Variants in CCDC122 observed in about 807,000 individuals in gnomAD.
CCDC122 encodes the protein coiled-coil domain-containing protein 122.
In CCDC122, 38 loss-of-function variants were observed where a neutral mutation model predicts 37.0. The ratio of observed to expected loss-of-function variants is 1.03; its 90% CI spans 0.79 to 1.35. The LOEUF is 1.35. CCDC122 is among the 40% of genes most tolerant of loss of function. The pLI, the probability that CCDC122 is intolerant of heterozygous loss-of-function variation, is 0.00. For missense variants in CCDC122, 305 were observed against 310.0 expected, an observed-to-expected ratio of 0.98 and a Z score of 0.12; for synonymous variants, 83 against 95.6, an observed-to-expected ratio of 0.87 and a Z score of 0.77.
At chr13:43,850,219 G>C (rs1204870084) in intron 6 of CCDC122, among the ~76,000 whole-genome samples, 2 of 152,108 alleles carry the variant, frequency 1.3e-5, no homozygotes, top group African/African-American at 4.8e-5. Flanking sequence ...TGGCCACCTG[G>C]AAATAGTGAA....
intron 2 of CCDC122, 39 bp from the exon 3 acceptor site, chr13:43,869,528 G>A (rs1262061743): frequency 6.9e-6 from 4 of 579,274 alleles, no homozygotes; most frequent in Non-Finnish European, 1.2e-5. Context: ...TCACAGGGAT[G>A]TCAATGACAT....
chr13:43,848,720 C>A (rs913832359), intron 6 of CCDC122: 7 of 489,322 alleles, frequency 1.4e-5, no homozygotes, highest in African/African-American at 1.0e-4. Flanking sequence ...TTCAAAAAAA[C>A]ATTTTTTATT....
At chr13:43,824,693 AC>A (rs1953023226) in intron 3 of CCDC122, among the ~76,000 whole-genome samples, 1 of 152,212 alleles carries the variant, frequency 6.6e-6, no homozygotes, top group South Asian at 2.1e-4. Context: ...AGGAACTTAA[AC>A]AAATCAACAA....
intron 4 of CCDC122, 126 bp from the exon 5 acceptor site, chr13:43,860,196 A>G (rs1954062077): frequency 2.2e-6 from 1 of 454,704 alleles, no homozygotes; most frequent in African/African-American, 2.0e-5. Context: ...AGATATTTAA[A>G]AATTAATGAA....
chr13:43,846,326 G>T (rs935605459), intron 6 of CCDC122, among the ~76,000 whole-genome samples: 5 of 152,020 alleles, frequency 3.3e-5, no homozygotes, highest in Non-Finnish European at 7.4e-5. Context: ...CGCCCACCTT[G>T]GACTCTCAAA....
intron 6 of CCDC122, among the ~76,000 whole-genome samples, chr13:43,849,411 G>C (rs1359002216): frequency 6.6e-6 from 1 of 152,114 alleles, no homozygotes; most frequent in Non-Finnish European, 1.5e-5. Flanking sequence ...CTGATAAGTA[G>C]AACTAAAAGC....
At chr13:43,820,970 A>ATAATATCAACTTATTATAT (rs1952988915), downstream of CCDC122, among the ~76,000 whole-genome samples, 1 of 152,232 alleles carries the variant, frequency 6.6e-6, no homozygotes, top group Non-Finnish European at 1.5e-5. Context: ...ACAATGTTTG[A>ATAATATCAACTTATTATAT]TATCAACTTA....
At chr13:43,837,579 A>G (rs1491002643) in intron 6 of CCDC122, 150 bp from the exon 7 acceptor site, 1 of 667,088 alleles carries the variant, frequency 1.5e-6, no homozygotes, top group Non-Finnish European at 2.4e-6. Flanking sequence ...AGTAATTGTA[A>G]AACTGTTTAT....
chr13:43,837,921 T>A (rs971049547), intron 6 of CCDC122, among the ~76,000 whole-genome samples: 1 of 152,054 alleles, frequency 6.6e-6, no homozygotes, highest in African/African-American at 2.4e-5. Context: ...TAACTAGGAG[T>A]ATATTTTTGT....
intron 4 of CCDC122, among the ~76,000 whole-genome samples, chr13:43,865,887 A>G (rs999915281): frequency 2.6e-5 from 4 of 152,226 alleles, no homozygotes; most frequent in African/African-American, 9.7e-5. Flanking sequence ...CTTCTCACTT[A>G]AAGTAAGTAC....
chr13:43,868,580 T>C (rs1210136075), intron 4 of CCDC122, 114 bp downstream of exon 4: 15 of 553,148 alleles, frequency 2.7e-5, no homozygotes, highest in Admixed American at 3.8e-5. Flanking sequence ...AACAGAATAA[T>C]TGACAGAGAA....
At chr13:43,863,883 T>C (rs939302758) in intron 4 of CCDC122, among the ~76,000 whole-genome samples, 1 of 152,228 alleles carries the variant, frequency 6.6e-6, no homozygotes, top group South Asian at 2.1e-4. Flanking sequence ...ATGAAATTCA[T>C]CAAAATTTTT....
intron 6 of CCDC122, among the ~76,000 whole-genome samples, chr13:43,850,981 G>A (rs1203155074): frequency 6.6e-6 from 1 of 151,910 alleles, no homozygotes; most frequent in African/African-American, 2.4e-5. Context: ...ACATATATAG[G>A]AAAACCAATT....
At chr13:43,857,602 T>C (rs9562516) in intron 6 of CCDC122, among the ~76,000 whole-genome samples, 53,366 of 151,886 alleles carry the variant, frequency 0.35, 9,557 homozygotes, top group Admixed American at 0.41. Flanking sequence ...ATTCTTTTTT[T>C]CATTAATAAT....
intron 4 of CCDC122, among the ~76,000 whole-genome samples, chr13:43,867,429 C>A (rs1954309284): frequency 1.3e-5 from 2 of 152,076 alleles, no homozygotes; most frequent in African/African-American, 4.8e-5. Context: ...TACTCCCTAA[C>A]CTTTAAACCT....
chr13:43,825,886 A>C (rs1274199138), intron 3 of CCDC122, among the ~76,000 whole-genome samples: 1 of 152,132 alleles, frequency 6.6e-6, no homozygotes, highest in East Asian at 1.9e-4. Flanking sequence ...AGCATCATGC[A>C]ATATACCCTG....
intron 3 of CCDC122, among the ~76,000 whole-genome samples, chr13:43,827,998 A>G (rs138355861): frequency 6.6e-6 from 1 of 152,186 alleles, no homozygotes; most frequent in Non-Finnish European, 1.5e-5. Flanking sequence ...TGCAGATTTT[A>G]TCTGTTAGGT....
intron 6 of CCDC122, among the ~76,000 whole-genome samples, chr13:43,841,570 C>T (rs1023240812): frequency 1.3e-5 from 2 of 152,116 alleles, no homozygotes; most frequent in South Asian, 2.1e-4. Context: ...AAATCTTTAG[C>T]CCATTTTTAA....
chr13:43,866,402 GT>G (rs776342889), intron 4 of CCDC122, among the ~76,000 whole-genome samples: 2 of 152,066 alleles, frequency 1.3e-5, no homozygotes, highest in Non-Finnish European at 2.9e-5. Flanking sequence ...CTTCAAAATT[GT>G]TTTGGATATT....
Sources: allele counts gnomAD v4.1 joint callset (sites outside exome capture counted in the v4.1 genomes callset), GRCh38; gene constraint gnomAD v4.1.1; transcripts MANE v1.5; gene names NCBI Gene and HGNC (gene_info 2026-07-23, HGNC 2026-07-21).